IL1RAPL1: variants seen among roughly 807,000 people sequenced by gnomAD.
IL1RAPL1 encodes the protein interleukin-1 receptor accessory protein-like 1.
In IL1RAPL1, 3 loss-of-function variants were observed where a neutral mutation model predicts 48.4. That is an observed-to-expected ratio of 0.06 (90% CI 0.03 to 0.16). The LOEUF (loss-of-function observed/expected upper bound fraction) is 0.16, where lower values mean the gene tolerates loss of function less well. Among genes scored for constraint, IL1RAPL1 ranks in the 10% least tolerant of loss-of-function variants. IL1RAPL1 has a pLI of 1.00. For missense variants in IL1RAPL1, 349 were observed against 530.6 expected (o/e 0.66, Z 3.36); for synonymous variants, 185 against 187.7 (o/e 0.99, Z 0.12).
intron 2 of IL1RAPL1, among the ~76,000 whole-genome samples, chrX:28,971,145 T>G (rs781647561): frequency 9.0e-6 from 1 of 111,442 alleles, no homozygotes; most frequent in Non-Finnish European, 1.9e-5. Flanking sequence ...GGATTACCTG[T>G]TTCACAACCA....
chrX:29,639,551 T>G (rs199641847), intron 5 of IL1RAPL1, among the ~76,000 whole-genome samples: 7,075 of 106,810 alleles, frequency 0.066, 467 homozygotes, highest in East Asian at 0.22. Flanking sequence ...AAAAGTTTTT[T>G]TTTTTTTTTT....
At chrX:29,633,696 G>T (rs1397891521) in intron 5 of IL1RAPL1, among the ~76,000 whole-genome samples, 2 of 111,251 alleles carry the variant, frequency 1.8e-5, no homozygotes, top group Non-Finnish European at 3.8e-5. Flanking sequence ...GAGAGAATCT[G>T]TTCTATGCCT....
At chrX:29,159,018 A>G (rs1223535710) in intron 2 of IL1RAPL1, among the ~76,000 whole-genome samples, 1 of 79,747 alleles carries the variant, frequency 1.3e-5, no homozygotes, top group African/African-American at 4.8e-5. Context: ...TTTTTTTTTG[A>G]GATGGAGTTT....
At chrX:28,633,629 T>C (rs911284494) in intron 1 of IL1RAPL1, among the ~76,000 whole-genome samples, 6 of 112,163 alleles carry the variant, frequency 5.3e-5, no homozygotes, top group African/African-American at 1.9e-4. Flanking sequence ...AGTGAACTGG[T>C]TCAAATAATG....
At chrX:28,894,746 T>C (rs1227407712) in intron 2 of IL1RAPL1, among the ~76,000 whole-genome samples, 2 of 110,890 alleles carry the variant, frequency 1.8e-5, no homozygotes, top group African/African-American at 6.6e-5. Context: ...TAAGGTCAAG[T>C]TGTTTGGACA....
intron 5 of IL1RAPL1, among the ~76,000 whole-genome samples, chrX:29,569,282 G>T (rs1317276457): frequency 9.0e-6 from 1 of 110,635 alleles, no homozygotes; most frequent in Admixed American, 9.6e-5. Flanking sequence ...AATGTAACTA[G>T]AGTGGTTTTC....
At position 29,108,301 on chromosome X, in the gene IL1RAPL1, G is replaced by A. The variant is rs1569238439; in HGVS notation, c.83-174637G>A. Among the ~76,000 whole-genome samples, 4 of 111,597 alleles carry A rather than the reference G, an allele frequency of 3.6e-5. No homozygotes were observed. The Admixed American group carries it at 3.8e-4, about 11-fold the overall frequency. ...TCTCATTACTGTATAGTGTTACAGTGTCAGAAATATGCACCAATTTATATG... is the reference window on the plus strand; with the variant it reads ...TCTCATTACTGTATAGTGTTACAGTATCAGAAATATGCACCAATTTATATG... On this transcript the variant is annotated intron_variant, in intron 2 of 10. Transcript: ENST00000378993.
intron 6 of IL1RAPL1, among the ~76,000 whole-genome samples, chrX:29,829,790 A>C (rs1930831087): frequency 8.9e-6 from 1 of 112,232 alleles, no homozygotes; most frequent in African/African-American, 3.2e-5. Flanking sequence ...ATTTTGATTG[A>C]TAGTGTCTAC....
chrX:29,747,159 C>T (rs1186259533), intron 6 of IL1RAPL1, among the ~76,000 whole-genome samples: 1 of 111,634 alleles, frequency 9.0e-6, no homozygotes, highest in Non-Finnish European at 1.9e-5. Flanking sequence ...AATTATGTAG[C>T]TGTTTCAGAA....
At chrX:28,887,329 G>A (rs918547752) in intron 2 of IL1RAPL1, among the ~76,000 whole-genome samples, 2 of 111,943 alleles carry the variant, frequency 1.8e-5, no homozygotes, top group African/African-American at 3.2e-5. Flanking sequence ...AAATGCCAGC[G>A]CCTTGATGTT....
chrX:28,905,313 C>T (rs1046978633), intron 2 of IL1RAPL1, among the ~76,000 whole-genome samples: 3 of 111,292 alleles, frequency 2.7e-5, no homozygotes, highest in Admixed American at 9.6e-5. Flanking sequence ...CAAAAAGTAT[C>T]ATATATTTGC....
chrX:29,504,353 G>A (rs1412443193), intron 5 of IL1RAPL1, among the ~76,000 whole-genome samples: 1 of 111,331 alleles, frequency 9.0e-6, no homozygotes, highest in Non-Finnish European at 1.9e-5. Context: ...AGCCCTATTT[G>A]GTTTAGTGTG....
At chrX:29,801,716 A>G (rs1452455868) in intron 6 of IL1RAPL1, among the ~76,000 whole-genome samples, 1 of 111,875 alleles carries the variant, frequency 8.9e-6, no homozygotes, top group African/African-American at 3.2e-5. Context: ...TGAGAAGGTG[A>G]TGTTGGTCAG....
intron 2 of IL1RAPL1, among the ~76,000 whole-genome samples, chrX:29,110,808 T>A (rs976425227): frequency 9.0e-6 from 1 of 111,507 alleles, no homozygotes; most frequent in Admixed American, 9.6e-5. Context: ...AGTTATACCT[T>A]CTTCTGTTAT....
At chrX:29,885,416 A>G (rs189743513) in intron 6 of IL1RAPL1, among the ~76,000 whole-genome samples, 60 of 111,826 alleles carry the variant, frequency 5.4e-4, no homozygotes, top group African/African-American at 1.8e-3. Flanking sequence ...TGCAAGTCCC[A>G]TGGGGGCGGA....
chrX:29,743,813 A>T (rs1423707269), intron 6 of IL1RAPL1, among the ~76,000 whole-genome samples: 1 of 112,275 alleles, frequency 8.9e-6, no homozygotes, highest in Non-Finnish European at 1.9e-5. Flanking sequence ...TTTGTTTGCA[A>T]TACCTAGCTT....
chrX:29,552,371 T>A (rs111645025), intron 5 of IL1RAPL1, among the ~76,000 whole-genome samples: 3,234 of 111,345 alleles, frequency 0.029, 116 homozygotes, highest in African/African-American at 0.1. Flanking sequence ...TTTTAACTTA[T>A]TTTTCAGGAG....
rs181563870 is a variant in IL1RAPL1, at chrX:29,193,795, T to C, written c.83-89143T>C. Among the ~76,000 whole-genome samples, 21 of 111,455 alleles carry C rather than the reference T, an allele frequency of 1.9e-4. No individual in the cohort carries two copies. The East Asian group carries it at 4.5e-3, about 24-fold the overall frequency. On this transcript the variant is annotated intron_variant, in intron 2 of 10. Transcript: ENST00000378993. ...TAAATTCCAATAAAAACTGGCAAAA[T>C]CTAAAATACTATATGTAGATTGTAC...
chrX:29,625,758 A>G (rs972124218), intron 5 of IL1RAPL1, among the ~76,000 whole-genome samples: 1 of 112,334 alleles, frequency 8.9e-6, no homozygotes, highest in African/African-American at 3.2e-5. Context: ...TATAATGATT[A>G]CAGGATGCCT....
Sources: allele counts gnomAD v4.1 joint callset (sites outside exome capture counted in the v4.1 genomes callset), GRCh38; gene constraint gnomAD v4.1.1; transcripts MANE v1.5; gene names NCBI Gene and HGNC (gene_info 2026-07-23, HGNC 2026-07-21).